Variants in OGDH observed in about 807,000 individuals in gnomAD.
The protein encoded by OGDH is 2-oxoglutarate dehydrogenase complex component E1.
Under a neutral mutation model 116.6 loss-of-function variants are expected in OGDH, and 38 were observed. The ratio of observed to expected loss-of-function variants is 0.33; its 90% CI spans 0.25 to 0.43. The LOEUF (loss-of-function observed/expected upper bound fraction) is 0.43. Ranked by LOEUF, OGDH falls within the 20% of genes least tolerant of loss-of-function variation. OGDH has a pLI of 1.00. For missense variants in OGDH, 825 were observed against 1,357.2 expected (o/e 0.61, Z 6.16); for synonymous variants, 488 against 533.3 (o/e 0.92, Z 1.17).
intron 4 of OGDH, among the ~76,000 whole-genome samples, chr7:44,649,128 C>G (rs1269860280): frequency 6.6e-6 from 1 of 152,056 alleles, no homozygotes; most frequent in African/African-American, 2.4e-5. Flanking sequence ...AGCTGGTAGA[C>G]TTGCTGCTCC....
chr7:44,652,078 G>A (rs1285788453), intron 4 of OGDH, among the ~76,000 whole-genome samples: 2 of 151,358 alleles, frequency 1.3e-5, no homozygotes, highest in Non-Finnish European at 2.9e-5. Flanking sequence ...ATTATGTTCC[G>A]TAATTGTGCC....
At chr7:44,640,512 T>C (rs1785883956) in intron 2 of OGDH, among the ~76,000 whole-genome samples, 1 of 152,112 alleles carries the variant, frequency 6.6e-6, no homozygotes, top group Non-Finnish European at 1.5e-5. Flanking sequence ...AGAAGTAAAC[T>C]TGTGATTTTG....
chr7:44,700,575 A>G (rs1179809339), intron 19 of OGDH, among the ~76,000 whole-genome samples: 1 of 152,214 alleles, frequency 6.6e-6, no homozygotes, highest in Non-Finnish European at 1.5e-5. Context: ...ACAGGTGGTC[A>G]TAGGGGGTGT....
intron 10 of OGDH, among the ~76,000 whole-genome samples, chr7:44,686,543 G>C (rs1036434306): frequency 6.6e-6 from 1 of 152,100 alleles, no homozygotes; most frequent in African/African-American, 2.4e-5. Flanking sequence ...CTCGTGAAAT[G>C]TTAAGAGGAG....
chr7:44,688,690 A>G (rs1788239365), intron 10 of OGDH, among the ~76,000 whole-genome samples: 1 of 151,502 alleles, frequency 6.6e-6, no homozygotes. Context: ...TCGGCCTCCT[A>G]GAGTGCTGGG....
At chr7:44,668,518 C>T (rs924073841) in intron 5 of OGDH, among the ~76,000 whole-genome samples, 4 of 152,190 alleles carry the variant, frequency 2.6e-5, no homozygotes, top group Non-Finnish European at 4.4e-5. Context: ...TTGTCAGCAT[C>T]TCAGCTTGGA....
At chr7:44,613,037 A>G (rs892570795) in intron 1 of OGDH, among the ~76,000 whole-genome samples, 35 of 142,618 alleles carry the variant, frequency 2.5e-4, no homozygotes, top group African/African-American at 8.9e-4. Flanking sequence ...CGTGCCACCA[A>G]CGTAATTTTT....
chr7:44,631,985 GT>G (rs1401072321), intron 2 of OGDH, among the ~76,000 whole-genome samples: 15 of 152,340 alleles, frequency 9.8e-5, no homozygotes, highest in African/African-American at 3.4e-4. Flanking sequence ...GGGGCTCACG[GT>G]CACTCAGCAG....
At position 44,707,752 on chromosome 7, in the gene OGDH, C is replaced by G. The variant is rs1473168004; in HGVS notation, c.2951+16C>G. The G allele has an allele frequency of 6.2e-7, 1 of 1,614,038 alleles. No homozygotes were observed. Among genetic ancestry groups the G allele is most frequent in the Non-Finnish European group, 8.5e-7 (1 of 1,179,974 alleles). On this transcript the variant is annotated intron_variant, in intron 22 of 22. Transcript: ENST00000222673. This position sits in a 1 kb window ranked among gnomAD's most constrained non-coding sequence, Gnocchi z 5.2. ...AGCCCGTCTGGTAAGGCTTCAGTCC[C>G]TGCCAGGAAGGCTGTGGGACCCTCC...
At chr7:44,686,236 G>A (rs1014621292) in intron 10 of OGDH, among the ~76,000 whole-genome samples, 2 of 152,046 alleles carry the variant, frequency 1.3e-5, no homozygotes, top group African/African-American at 4.8e-5. Flanking sequence ...TCCAATTTTT[G>A]GAAGAAAGTG....
At chr7:44,680,539 T>TACACAC (rs56718274) in intron 9 of OGDH, among the ~76,000 whole-genome samples, 8,446 of 145,856 alleles carry the variant, frequency 0.058, 268 homozygotes, top group Middle Eastern at 0.087. Context: ...TTTTATTGCA[T>TACACAC]ACACACACAC....
chr7:44,682,206 G>A (rs573937879), intron 10 of OGDH, among the ~76,000 whole-genome samples: 1 of 151,804 alleles, frequency 6.6e-6, no homozygotes, highest in South Asian at 2.1e-4. Context: ...CCTGGCCAAT[G>A]TGGTGAAACC....
intron 1 of OGDH, among the ~76,000 whole-genome samples, chr7:44,611,528 G>T (rs1271617530): frequency 4.6e-5 from 7 of 151,416 alleles, no homozygotes; most frequent in African/African-American, 1.7e-4. Flanking sequence ...CCCCCGCCTC[G>T]GCCTCCCAAA....
intron 1 of OGDH, among the ~76,000 whole-genome samples, chr7:44,613,168 G>T (rs972254584): frequency 6.7e-6 from 1 of 148,972 alleles, no homozygotes; most frequent in Non-Finnish European, 1.5e-5. Context: ...GAGCCACTGC[G>T]CCTGGCTTGT....
At chr7:44,635,440 CCCGCG>C (rs767139048) in intron 2 of OGDH, among the ~76,000 whole-genome samples, 43 of 152,166 alleles carry the variant, frequency 2.8e-4, no homozygotes, top group Non-Finnish European at 5.1e-4. Context: ...GCCTGCCCCA[CCCGCG>C]CCGCGGATTA....
chr7:44,651,044 T>C (rs1786418771), intron 4 of OGDH, among the ~76,000 whole-genome samples: 1 of 152,188 alleles, frequency 6.6e-6, no homozygotes, highest in African/African-American at 2.4e-5. Flanking sequence ...GCTTGTTCTG[T>C]CTTTTGTTGG....
At chr7:44,618,703 C>T (rs534482286) in intron 1 of OGDH, among the ~76,000 whole-genome samples, 2 of 152,292 alleles carry the variant, frequency 1.3e-5, no homozygotes, top group East Asian at 3.9e-4. Context: ...CTCCTTTCAC[C>T]TGCTGCTTTT....
chr7:44,690,955 G>A (rs1472970763), intron 10 of OGDH, among the ~76,000 whole-genome samples: 1 of 151,900 alleles, frequency 6.6e-6, no homozygotes, highest in Non-Finnish European at 1.5e-5. Context: ...TCTCATCAGT[G>A]TCTGACTATT....
At chr7:44,661,938 T>G (rs1446958222) in intron 4 of OGDH, among the ~76,000 whole-genome samples, 1 of 152,220 alleles carries the variant, frequency 6.6e-6, no homozygotes, top group African/African-American at 2.4e-5. Context: ...TTTTTAGTAG[T>G]TGTTTTAGGT....
Sources: allele counts gnomAD v4.1 joint callset (sites outside exome capture counted in the v4.1 genomes callset), GRCh38; gene constraint gnomAD v4.1.1; non-coding constraint Gnocchi (gnomAD v3.1); transcripts MANE v1.5; gene names NCBI Gene and HGNC (gene_info 2026-07-23, HGNC 2026-07-21).